The following ATP2B2 variants were observed in gnomAD, a reference collection of about 807,000 sequenced individuals.
ATP2B2 encodes the protein plasma membrane calcium-transporting ATPase 2.
A neutral mutation model predicts 120.0 loss-of-function variants in ATP2B2; 15 were observed. The observed-to-expected ratio is 0.12, with a 90% confidence interval of 0.08 to 0.19. ATP2B2 has a LOEUF of 0.19. Among genes scored for constraint, ATP2B2 ranks in the 10% least tolerant of loss-of-function variants. The pLI is 1.00. For missense variants in ATP2B2, 1,045 were observed against 1,719.8 expected, an observed-to-expected ratio of 0.61 and a Z score of 6.94; for synonymous variants, 694 against 700.3, an observed-to-expected ratio of 0.99 and a Z score of 0.14.
At chr3:10,482,666 T>TC (rs1469021133) in intron 1 of ATP2B2, among the ~76,000 whole-genome samples, 3 of 152,164 alleles carry the variant, frequency 2.0e-5, no homozygotes, top group African/African-American at 7.2e-5. Flanking sequence ...GTGCCAGGTC[T>TC]CCCCCCTGAG....
chr3:10,458,493 G>T (rs1300641253), intron 1 of ATP2B2, among the ~76,000 whole-genome samples: 24 of 38,084 alleles, frequency 6.3e-4, no homozygotes, highest in African/African-American at 2.8e-3. Context: ...ATGATGAACA[G>T]CAGGAATCAG....
rs56329657 is a variant in ATP2B2, at chr3:10,410,942, A to T, written c.200-127T>A. 30,110 of 1,145,616 alleles carry T rather than the reference A, an allele frequency of 0.026. 4,741 individuals are homozygous for T. The African/African-American group carries it at 0.37, about 14-fold the overall frequency. 71.0% of individuals were successfully genotyped at this position (1,145,616 alleles called of 1,614,324 possible). On this transcript the variant is annotated intron_variant, in intron 2 of 22. Transcript: ENST00000360273. ...CTGGTGGCTGGCCCAGGAGCCCAAC[A>T]TCTCTTCATGCTTTGGGCCCTAAGT...
intron 1 of ATP2B2, among the ~76,000 whole-genome samples, chr3:10,688,978 G>A (rs2071591695): frequency 6.6e-6 from 1 of 152,208 alleles, no homozygotes; most frequent in Non-Finnish European, 1.5e-5. Context: ...ACCTGGTGTG[G>A]GGGTGGGGAG....
At chr3:10,596,921 T>A (rs1027049174) in intron 2 of ATP2B2, among the ~76,000 whole-genome samples, 1 of 152,182 alleles carries the variant, frequency 6.6e-6, no homozygotes, top group Non-Finnish European at 1.5e-5. Flanking sequence ...GAGGAATTCT[T>A]AGCAAACCAG....
intron 2 of ATP2B2, among the ~76,000 whole-genome samples, chr3:10,440,918 A>G (rs1423551091): frequency 6.6e-6 from 1 of 152,190 alleles, no homozygotes; most frequent in Non-Finnish European, 1.5e-5. Context: ...TGATGTGAAG[A>G]TTATAGGAGA....
intron 1 of ATP2B2, among the ~76,000 whole-genome samples, chr3:10,644,009 G>T (rs1010981281): frequency 6.6e-6 from 1 of 152,128 alleles, no homozygotes; most frequent in African/African-American, 2.4e-5. Flanking sequence ...GGGAGAACAG[G>T]CTTGCAGATC....
rs1553649085 is a variant in ATP2B2 at position 10,350,217 on chromosome 3, AG to A, written c.2317-19del. 1 of 395,524 alleles carries A rather than the reference AG, an allele frequency of 2.5e-6. No homozygotes were observed. The highest frequency in any genetic ancestry group is 4.4e-6 in the Non-Finnish European group (1 of 225,936). 24.5% of individuals were successfully genotyped at this position (395,524 alleles called of 1,614,324 possible). ...TGCTCAATCTGGAGAGGGATGGGGA[AG>A]GGGGCGGGTCGGTGGGGTCGGGGAG... is the stretch of plus-strand genomic sequence containing the variant. On this transcript the variant is annotated intron_variant, in intron 15 of 22. Transcript: ENST00000360273.
Position 10,342,789 on chromosome 3 carries a change from G to C in ATP2B2, c.2880C>G (p.Val960=), listed in dbSNP as rs1287049156. 3 of 1,614,204 alleles carry C rather than the reference G, an allele frequency of 1.9e-6. No individual in the cohort carries two copies. Among genetic ancestry groups the C allele is most frequent in the Admixed American group, 3.3e-5 (2 of 60,038 alleles). Residue 960 remains valine, a synonymous_variant, in exon 19 of 23, where the codon GTC becomes GTG. Transcript: ENST00000360273. The surrounding 1 kb of genome is among the most constrained non-coding windows in gnomAD (Gnocchi z 4.4). The stretch of plus-strand genomic sequence containing the variant: ...GGGTGAAGATGAGGGCAAGCTGGTA[G>C]ACAGCATGGCCCAGGATGTTCTTCA... ...TMMKNILGHA[V]YQLALIFTLL...
chr3:10,616,517 A>G (rs1407626697), intron 2 of ATP2B2, among the ~76,000 whole-genome samples: 1 of 152,232 alleles, frequency 6.6e-6, no homozygotes, highest in Non-Finnish European at 1.5e-5. Flanking sequence ...ACATGAATAC[A>G]GGCTCAAAGC....
intron 2 of ATP2B2, among the ~76,000 whole-genome samples, chr3:10,592,878 G>A (rs1248190145): frequency 2.0e-5 from 3 of 152,192 alleles, no homozygotes; most frequent in Non-Finnish European, 4.4e-5. Context: ...GACCTCCTGG[G>A]CTCAATCAAT....
chr3:10,520,795 TA>T, intron 3 of ATP2B2, among the ~76,000 whole-genome samples: 1 of 148,232 alleles, frequency 6.7e-6, no homozygotes, highest in Non-Finnish European at 1.5e-5. Flanking sequence ...CCTACCCAAA[TA>T]AAAAAGAGTG....
chr3:10,607,367 C>T (rs1299487598), intron 2 of ATP2B2, among the ~76,000 whole-genome samples: 1 of 152,184 alleles, frequency 6.6e-6, no homozygotes, highest in Non-Finnish European at 1.5e-5. Flanking sequence ...CAGCCCTGGA[C>T]CTTAGAAACC....
chr3:10,487,286 A>T (rs1357124301), intron 1 of ATP2B2, among the ~76,000 whole-genome samples: 1 of 152,030 alleles, frequency 6.6e-6, no homozygotes, highest in Non-Finnish European at 1.5e-5. Context: ...ACACACACAC[A>T]GACAAACACA....
At chr3:10,704,659 C>T (rs1430010625) in intron 1 of ATP2B2, among the ~76,000 whole-genome samples, 8 of 152,210 alleles carry the variant, frequency 5.3e-5, no homozygotes, top group African/African-American at 1.9e-4. Flanking sequence ...ATAGTTAGCT[C>T]CCTTTTTTGG....
chr3:10,700,628 A>C (rs900459895), intron 1 of ATP2B2, among the ~76,000 whole-genome samples: 5 of 152,370 alleles, frequency 3.3e-5, no homozygotes, highest in Non-Finnish European at 7.3e-5. Flanking sequence ...AAGGAATGAA[A>C]AGACTCAAAA....
At chr3:10,443,444 T>C (rs1332181031) in intron 2 of ATP2B2, among the ~76,000 whole-genome samples, 1 of 152,144 alleles carries the variant, frequency 6.6e-6, no homozygotes, top group Admixed American at 6.5e-5. Flanking sequence ...GCCATGTGAC[T>C]ATAAGTGGCC....
At chr3:10,482,226 G>T (rs2065443672) in intron 1 of ATP2B2, among the ~76,000 whole-genome samples, 1 of 152,170 alleles carries the variant, frequency 6.6e-6, no homozygotes, top group Admixed American at 6.5e-5. Flanking sequence ...CAGCCTGGGG[G>T]TGGGCTTTAC....
At chr3:10,519,258 G>A (rs9875875) in intron 3 of ATP2B2, among the ~76,000 whole-genome samples, 16,074 of 152,196 alleles carry the variant, frequency 0.11, 1,058 homozygotes, top group East Asian at 0.33. Context: ...GATTTGCCCT[G>A]TTTGTTTCCT....
intron 12 of ATP2B2, 44 bp downstream of exon 12, chr3:10,371,765 A>T (rs1482884322): frequency 3.7e-6 from 6 of 1,613,746 alleles, no homozygotes; most frequent in Non-Finnish European, 4.2e-6. Context: ...GTACCATCCC[A>T]TGGATGTTGC....
Sources: gnomAD v4.1 joint callset for allele counts (sites outside exome capture counted in the v4.1 genomes callset) on GRCh38, gnomAD v4.1.1 for gene constraint, Gnocchi (gnomAD v3.1) non-coding constraint, MANE v1.5 for transcripts, NCBI Gene and HGNC (gene_info 2026-07-23, HGNC 2026-07-21) for gene names.